CKAP5: variants seen among roughly 807,000 people sequenced by gnomAD.
CKAP5 encodes cytoskeleton-associated protein 5.
In CKAP5, 27 loss-of-function variants were observed where a neutral mutation model predicts 232.8. That is an observed-to-expected ratio of 0.12 (90% CI 0.09 to 0.16). The LOEUF (loss-of-function observed/expected upper bound fraction) is 0.16, where lower values mean the gene tolerates loss of function less well. Among genes scored for constraint, CKAP5 ranks in the 10% least tolerant of loss-of-function variants. The pLI is 1.00. For synonymous variants in CKAP5, 785 were observed against 841.1 expected (o/e 0.93, Z 1.16); for missense variants, 1,838 against 2,424.7 (o/e 0.76, Z 5.08).
intron 1 of CKAP5, among the ~76,000 whole-genome samples, chr11:46,830,505 G>A (rs1006618407): frequency 5.3e-5 from 8 of 151,422 alleles, no homozygotes; most frequent in African/African-American, 1.9e-4. Flanking sequence ...GCCTAGGAGT[G>A]CCAGCAGCCA....
chr11:46,808,176 G>T (rs1772340512), intron 7 of CKAP5, 32 bp from the exon 8 acceptor site: 8 of 1,315,526 alleles, frequency 6.1e-6, no homozygotes, highest in Non-Finnish European at 8.7e-6. Context: ...ATTTGTAACA[G>T]GAAATAAGAG....
At chr11:46,827,353 G>A (rs374665297) in intron 1 of CKAP5, among the ~76,000 whole-genome samples, 17 of 152,242 alleles carry the variant, frequency 1.1e-4, no homozygotes, top group African/African-American at 4.1e-4. Context: ...CACGGAATTC[G>A]TTCTTTACAA....
chr11:46,838,788 C>A (rs1382833837), intron 1 of CKAP5, among the ~76,000 whole-genome samples: 1 of 55,320 alleles, frequency 1.8e-5, no homozygotes, highest in African/African-American at 6.9e-5. Flanking sequence ...AGTGGGACCC[C>A]ATCTCAAAAA....
At chr11:46,791,245 G>T (rs1237479939) in intron 13 of CKAP5, among the ~76,000 whole-genome samples, 16 of 145,030 alleles carry the variant, frequency 1.1e-4, no homozygotes, top group African/African-American at 3.2e-4. Flanking sequence ...ATTTATTTGG[G>T]TTTTTTTTTT....
chr11:46,798,287 G>A (rs1713049015), intron 9 of CKAP5, 115 bp from the exon 10 acceptor site: 3 of 778,598 alleles, frequency 3.9e-6, no homozygotes, highest in Non-Finnish European at 6.3e-6. Flanking sequence ...AAAAAAGCCA[G>A]TCACAGGCTG....
chr11:46,777,289 A>G, intron 23 of CKAP5, 150 bp downstream of exon 23: 2 of 571,772 alleles, frequency 3.5e-6, no homozygotes, highest in Non-Finnish European at 3.1e-6. Flanking sequence ...TGCCTGGAAG[A>G]TAAAAATGTT....
At chr11:46,750,870 CTATT>C (rs1218219766) in intron 40 of CKAP5, among the ~76,000 whole-genome samples, 2 of 152,160 alleles carry the variant, frequency 1.3e-5, no homozygotes, top group African/African-American at 4.8e-5. Flanking sequence ...GCAGAACTAG[CTATT>C]TATCTGGTGA....
intron 4 of CKAP5, among the ~76,000 whole-genome samples, chr11:46,812,688 A>G (rs765922822): frequency 6.6e-6 from 1 of 151,904 alleles, no homozygotes; most frequent in Non-Finnish European, 1.5e-5. Flanking sequence ...TCCAGGCTGG[A>G]ATGCAGTGGT....
chr11:46,840,668 G>A (rs1940031784), intron 1 of CKAP5, among the ~76,000 whole-genome samples: 1 of 152,170 alleles, frequency 6.6e-6, no homozygotes, highest in African/African-American at 2.4e-5. Flanking sequence ...TGCCCAGAGA[G>A]GGCATGGAAG....
At position 46,761,927 on chromosome 11, in the gene CKAP5, A is replaced by G. The variant is rs1163794069; in HGVS notation, c.4221+73T>C. On this transcript the variant is annotated intron_variant, in intron 32 of 43. Coordinates refer to ENST00000529230, the MANE Select transcript of CKAP5 (RefSeq NM_001008938.4). ...AAAACTTAGCTACAGTTGAGAGGAC[A>G]GGAAACCTAACACCTAGGAGATCTT... is the stretch of plus-strand genomic sequence containing the variant. 27 of 1,270,090 alleles carry G rather than the reference A, an allele frequency of 2.1e-5. 1 individual carries two copies. The highest frequency in any genetic ancestry group is 2.9e-5 in the Non-Finnish European group (26 of 895,276). 78.7% of individuals were successfully genotyped at this position (1,270,090 alleles called of 1,614,324 possible).
chr11:46,780,090 C>A, intron 20 of CKAP5, 104 bp downstream of exon 20: 1 of 1,263,128 alleles, frequency 7.9e-7, no homozygotes. Flanking sequence ...TCCTCAGGCT[C>A]CTGAGTAGCT....
chr11:46,786,596 C>T (rs7937765), intron 16 of CKAP5, among the ~76,000 whole-genome samples: 6 of 152,136 alleles, frequency 3.9e-5, no homozygotes, highest in Admixed American at 2.0e-4. Context: ...GCTGGGGGAA[C>T]CCAGCTTGGT....
At chr11:46,750,227 A>C in intron 42 of CKAP5, 47 bp downstream of exon 42, 781 of 1,545,128 alleles carry the variant, frequency 5.1e-4, no homozygotes, top group Non-Finnish European at 6.1e-4. Context: ...TTCCTGTGCT[A>C]GGAGCTATTT....
At chr11:46,751,288 G>C (rs759012439) in intron 39 of CKAP5, 33 bp from the exon 40 acceptor site, 1 of 1,614,096 alleles carries the variant, frequency 6.2e-7, no homozygotes, top group East Asian at 2.2e-5. Flanking sequence ...TGATAGCACT[G>C]CCATTTCCAT....
intron 14 of CKAP5, 22 bp downstream of exon 14, chr11:46,790,447 AG>A (rs1231562288): frequency 6.6e-7 from 1 of 1,512,846 alleles, no homozygotes; most frequent in Non-Finnish European, 9.1e-7. Flanking sequence ...CATGATTTTC[AG>A]GCTCAGTGTG....
chr11:46,743,676 C>T lies in CKAP5; in HGVS notation c.*347G>A, dbSNP rs928759005. The T allele has an allele frequency of 4.0e-6, 1 of 250,770 alleles. No homozygotes were observed. Among genetic ancestry groups the T allele is most frequent in the African/African-American group, 2.2e-5 (1 of 45,728 alleles). The allele number at this position is 250,770 out of a possible 1,614,324, so 15.5% of individuals were successfully genotyped here. Reference sequence around the variant, plus strand: ...TGAAAGGAAAACTATTAAAGAGTTTCTAATATTAACTATTAAAAAGCTAGG... The same window carrying T: ...TGAAAGGAAAACTATTAAAGAGTTTTTAATATTAACTATTAAAAAGCTAGG... On this transcript the variant is annotated 3_prime_UTR_variant, in exon 44 of 44. Transcript: ENST00000529230.
In CKAP5 at chr11:46,811,135, C is replaced by A; in HGVS notation, c.502G>T (p.Val168Leu). The change falls in exon 5 of 44, where the codon GTG becomes TTG. Residue 168 changes from valine to leucine, a missense_variant. By Grantham distance (32) the Val-to-Leu change is conservative (BLOSUM62 1). Coordinates refer to ENST00000529230, the MANE Select transcript of CKAP5 (RefSeq NM_001008938.4). The stretch of plus-strand genomic sequence containing the variant: ...CGAGACTCAAAGAGTTTTGGCAACA[C>A]TTTGATAATTGGCTTAAGCAAGATG... ...KIILLKPIIK[V>L]LPKLFESREK... The A allele has an allele frequency of 6.2e-7, 1 of 1,613,834 alleles. No individual in the cohort carries two copies. The highest frequency in any genetic ancestry group is 8.5e-7 in the Non-Finnish European group (1 of 1,179,952).
At chr11:46,829,495 A>T (rs1939727451) in intron 1 of CKAP5, among the ~76,000 whole-genome samples, 1 of 152,210 alleles carries the variant, frequency 6.6e-6, no homozygotes. Context: ...AGAGGGGACC[A>T]CAACACTCCA....
chr11:46,823,637 G>A (rs1020280695), intron 1 of CKAP5, among the ~76,000 whole-genome samples: 1 of 151,950 alleles, frequency 6.6e-6, no homozygotes, highest in Non-Finnish European at 1.5e-5. Context: ...ACCCAGGCTG[G>A]AGTGCAGTGG....
Sources: allele counts gnomAD v4.1 joint callset (sites outside exome capture counted in the v4.1 genomes callset), GRCh38; gene constraint gnomAD v4.1.1; transcripts MANE v1.5; gene names NCBI Gene and HGNC (gene_info 2026-07-23, HGNC 2026-07-21).